Variants in ATE1 observed in about 807,000 individuals in gnomAD.
ATE1 encodes arginyltransferase 1.
Under a neutral mutation model 70.5 loss-of-function variants are expected in ATE1, and 36 were observed. That is an observed-to-expected ratio of 0.51 (90% CI 0.39 to 0.67). The LOEUF (loss-of-function observed/expected upper bound fraction) is 0.67, where lower values mean the gene tolerates loss of function less well. ATE1 is among the 30% of genes least tolerant of loss of function. The pLI is 0.00. For missense variants in ATE1, 593 were observed against 629.5 expected (o/e 0.94, Z 0.62); for synonymous variants, 232 against 219.3 (o/e 1.06, Z -0.51).
rs553857548 is a variant in ATE1, at chr10:121,860,897, T to C, written c.975+9109A>G. 8.5e-5 allele frequency among the ~76,000 whole-genome samples: 13 copies of C among 152,318 alleles called. 1 individual carries two copies. The highest frequency in any genetic ancestry group is 8.5e-4 in the Admixed American group (13 of 15,296). ...TAACTATGCTTATGTGAGCCCTTAC[T>C]TAACGTCGTCAGTTCAATTTGAGAT... On this transcript the variant is annotated intron_variant, in intron 8 of 11. Transcript: ENST00000224652.
At chr10:121,868,572 C>T (rs966999488) in intron 8 of ATE1, among the ~76,000 whole-genome samples, 7 of 152,134 alleles carry the variant, frequency 4.6e-5, no homozygotes, top group African/African-American at 1.7e-4. Flanking sequence ...ATCTGCCAGA[C>T]GCTGTGCTCA....
At chr10:121,926,909 G>A (rs983986579) in intron 1 of ATE1, 25 of 985,186 alleles carry the variant, frequency 2.5e-5, no homozygotes, top group Non-Finnish European at 2.9e-5. Flanking sequence ...ACTCAAAACC[G>A]CTGCCCACAA....
At chr10:121,834,267 A>C (rs1376418754) in intron 10 of ATE1, among the ~76,000 whole-genome samples, 1 of 152,110 alleles carries the variant, frequency 6.6e-6, no homozygotes, top group Non-Finnish European at 1.5e-5. Flanking sequence ...TGTCTTCTTG[A>C]TTACTGTTAG....
intron 4 of ATE1, among the ~76,000 whole-genome samples, chr10:121,913,174 C>T (rs915835166): frequency 1.3e-5 from 2 of 152,128 alleles, no homozygotes; most frequent in Non-Finnish European, 2.9e-5. Flanking sequence ...CCACTGCCCC[C>T]GGCCCCAATA....
intron 10 of ATE1, among the ~76,000 whole-genome samples, chr10:121,836,122 G>A (rs905209708): frequency 1.3e-5 from 2 of 151,954 alleles, no homozygotes; most frequent in Non-Finnish European, 2.9e-5. Context: ...TCCTAGAAAC[G>A]TCCTTCTCCA....
chr10:121,848,400 T>A (rs1229188116), intron 8 of ATE1, among the ~76,000 whole-genome samples: 3 of 151,884 alleles, frequency 2.0e-5, no homozygotes, highest in Non-Finnish European at 4.4e-5. Context: ...GCCGATCATT[T>A]GAGGCAAGGA....
chr10:121,745,643 T>TCCTCC (rs1482428185), intron 11 of ATE1, among the ~76,000 whole-genome samples: 1 of 152,008 alleles, frequency 6.6e-6, no homozygotes, highest in Non-Finnish European at 1.5e-5. Context: ...AGGAGAATGG[T>TCCTCC]GTGAACCCGG....
chr10:121,870,107 A>T, intron 7 of ATE1, 69 bp from the exon 8 acceptor site: 1 of 1,429,508 alleles, frequency 7.0e-7, no homozygotes, highest in Non-Finnish European at 9.8e-7. Flanking sequence ...ACAGAGAAAA[A>T]GAAAAAATTA....
At chr10:121,892,539 C>A (rs774880489) in intron 7 of ATE1, among the ~76,000 whole-genome samples, 1 of 144,684 alleles carries the variant, frequency 6.9e-6, no homozygotes, top group Admixed American at 7.1e-5. Flanking sequence ...TCCCTCTTGT[C>A]GCCCTCGCCA....
At chr10:121,839,344 G>T (rs931922617) in intron 9 of ATE1, among the ~76,000 whole-genome samples, 1 of 152,124 alleles carries the variant, frequency 6.6e-6, no homozygotes, top group African/African-American at 2.4e-5. Flanking sequence ...ACAGGCCAGA[G>T]CTTATTATGT....
intron 11 of ATE1, among the ~76,000 whole-genome samples, chr10:121,761,591 A>C (rs2132912): frequency 0.83 from 125,303 of 151,548 alleles, 52,148 homozygotes; most frequent in Non-Finnish European, 0.89. Flanking sequence ...GATCTAGAGC[A>C]GAACACATAA....
intron 5 of ATE1, 121 bp from the exon 6 acceptor site, chr10:121,902,741 T>A: frequency 9.9e-7 from 1 of 1,014,266 alleles, no homozygotes; most frequent in Non-Finnish European, 1.4e-6. Flanking sequence ...AGCTTTGGGG[T>A]AGATGTTTCA....
At chr10:121,918,963 G>C (rs548223948) in intron 3 of ATE1, among the ~76,000 whole-genome samples, 3 of 152,178 alleles carry the variant, frequency 2.0e-5, no homozygotes, top group Admixed American at 2.0e-4. Flanking sequence ...TGTGGCTAGA[G>C]GTTTGTAAAA....
At chr10:121,854,342 C>G (rs1386218548) in intron 8 of ATE1, among the ~76,000 whole-genome samples, 2 of 152,108 alleles carry the variant, frequency 1.3e-5, no homozygotes, top group African/African-American at 4.8e-5. Flanking sequence ...ACTGGTTTTG[C>G]ACTAACTGAG....
chr10:121,801,392 G>A (rs933754842), intron 10 of ATE1, among the ~76,000 whole-genome samples: 2 of 152,044 alleles, frequency 1.3e-5, no homozygotes, highest in Non-Finnish European at 2.9e-5. Context: ...TGGAAACCCT[G>A]AGTTAATCTT....
chr10:121,903,249 C>T (rs1234768514), intron 5 of ATE1, among the ~76,000 whole-genome samples: 1 of 152,054 alleles, frequency 6.6e-6, no homozygotes, highest in Non-Finnish European at 1.5e-5. Flanking sequence ...AGGAAGAACA[C>T]AATCAAATCA....
At chr10:121,911,720 C>T (rs1057316763) in intron 4 of ATE1, among the ~76,000 whole-genome samples, 19 of 151,876 alleles carry the variant, frequency 1.3e-4, no homozygotes, top group Non-Finnish European at 1.9e-4. Flanking sequence ...ACCTAGAACA[C>T]CCACACTGAA....
intron 9 of ATE1, 139 bp from the exon 10 acceptor site, chr10:121,836,956 A>G: frequency 3.3e-6 from 2 of 607,912 alleles, no homozygotes; most frequent in Non-Finnish European, 5.8e-6. Flanking sequence ...AAGAAAAACT[A>G]CTTTTAAAAC....
At chr10:121,796,200 GAA>G (rs1023154252) in intron 10 of ATE1, among the ~76,000 whole-genome samples, 2 of 152,050 alleles carry the variant, frequency 1.3e-5, no homozygotes, top group African/African-American at 4.8e-5. Flanking sequence ...AGAACAAAAG[GAA>G]ATCTTACCAA....
Sources: allele counts gnomAD v4.1 joint callset (sites outside exome capture counted in the v4.1 genomes callset), GRCh38; gene constraint gnomAD v4.1.1; transcripts MANE v1.5; gene names NCBI Gene and HGNC (gene_info 2026-07-23, HGNC 2026-07-21).